RMND1: variants seen among roughly 807,000 people sequenced by gnomAD.
RMND1 encodes required for meiotic nuclear division 1 homolog, also known as required for meiotic nuclear division protein 1 homolog.
RMND1 carries 41 observed loss-of-function variants against 54.0 expected under a neutral mutation model. The ratio of observed to expected loss-of-function variants is 0.76; its 90% CI spans 0.59 to 0.98. The LOEUF (loss-of-function observed/expected upper bound fraction) is 0.98. RMND1 is among the 50% of genes least tolerant of loss of function. The pLI is 0.00. For missense variants in RMND1, 457 were observed against 532.0 expected, an observed-to-expected ratio of 0.86 and a Z score of 1.39; for synonymous variants, 183 against 181.7, an observed-to-expected ratio of 1.01 and a Z score of -0.06.
At chr6:151,433,266 C>T in intron 3 of RMND1, 36 bp from the exon 4 acceptor site, 1 of 1,399,690 alleles carries the variant, frequency 7.1e-7, no homozygotes, top group Non-Finnish European at 1.0e-6. Context: ...AAAGCTATGT[C>T]AAGGTAACAC....
At chr6:151,450,815 A>C (rs1781151566) in intron 1 of RMND1, among the ~76,000 whole-genome samples, 1 of 152,202 alleles carries the variant, frequency 6.6e-6, no homozygotes, top group Admixed American at 6.5e-5. Context: ...GTCTGTGTAG[A>C]AAGAAGTAGA....
At chr6:151,409,319 A>G (rs1286440299) in intron 10 of RMND1, among the ~76,000 whole-genome samples, 1 of 152,214 alleles carries the variant, frequency 6.6e-6, no homozygotes, top group East Asian at 1.9e-4. Flanking sequence ...CATGATACTT[A>G]GAGGGAACTA....
rs1030477639 is a variant in RMND1 at position 151,436,801 on chromosome 6, C to A, written c.505-247G>T. The A allele has an allele frequency of 1.6e-5, 6 of 366,826 alleles. No individual in the cohort carries two copies. The South Asian group carries it at 2.8e-4, about 17-fold the overall frequency. 22.7% of individuals were successfully genotyped at this position (366,826 alleles called of 1,614,324 possible). On this transcript the variant is annotated intron_variant, in intron 2 of 11. Transcript: ENST00000444024. Reference sequence around the variant, plus strand: ...AGGCAAAAAGATGGAATGGATTATTCTGAAAGGGAAGCCACACTCAACTGG... The same window carrying A: ...AGGCAAAAAGATGGAATGGATTATTATGAAAGGGAAGCCACACTCAACTGG...
At chr6:151,412,142 C>T (rs1423477037) in intron 10 of RMND1, among the ~76,000 whole-genome samples, 3 of 152,068 alleles carry the variant, frequency 2.0e-5, no homozygotes, top group African/African-American at 7.2e-5. Context: ...ACTGGGATTA[C>T]AGGCGTCCAC....
intron 1 of RMND1, among the ~76,000 whole-genome samples, chr6:151,450,248 C>A (rs968424710): frequency 2.6e-5 from 4 of 151,576 alleles, no homozygotes; most frequent in Non-Finnish European, 5.9e-5. Flanking sequence ...GTGGGGAGCA[C>A]CTCTGCCCCG....
In RMND1 at chr6:151,433,234, T is replaced by C. The variant is rs1372579508; in HGVS notation, c.614-4A>G. The C allele has an allele frequency of 3.1e-6, 5 of 1,605,382 alleles. No individual in the cohort carries two copies. The East Asian group carries it at 1.1e-4, about 36-fold the overall frequency. On this transcript the variant is annotated splice_polypyrimidine_tract_variant and splice_region_variant and intron_variant, in intron 3 of 11. Transcript: ENST00000444024. ...ATCACCAAAATATTTGCTGCATCTG[T>C]GATTTAAAATAAACGAACAAAAAAG...
intron 3 of RMND1, among the ~76,000 whole-genome samples, chr6:151,436,071 C>T (rs1226460134): frequency 1.3e-5 from 2 of 150,622 alleles, no homozygotes; most frequent in African/African-American, 2.4e-5. Flanking sequence ...CGCCATTGCA[C>T]TCCAGCCTGG....
intron 2 of RMND1, 141 bp from the exon 3 acceptor site, chr6:151,436,695 G>T: frequency 1.4e-6 from 1 of 691,022 alleles, no homozygotes. Context: ...TGATACAAGG[G>T]ATGGGATGAA....
rs1248905072 is a variant in RMND1, at chr6:151,428,116, AAAAT to A, written c.730-538_730-535del. ...TGACAGAGCAAGACCCTATCTCAAAAAAATAAATAAATAAAAAATAAAAAGTAAA... is the reference window on the plus strand; with the variant it reads ...TGACAGAGCAAGACCCTATCTCAAAAAAATAAATAAAAAATAAAAAGTAAA... On this transcript the variant is annotated intron_variant, in intron 5 of 11. Coordinates refer to ENST00000444024, the MANE Select transcript of RMND1 (RefSeq NM_017909.4). Among the ~76,000 whole-genome samples the A allele has an allele frequency of 2.6e-5, 4 of 152,262 alleles. 1 individual carries two copies. The Middle Eastern group carries it at 0.01, about 388-fold the overall frequency.
intron 4 of RMND1, among the ~76,000 whole-genome samples, chr6:151,430,441 A>G (rs1780419580): frequency 6.6e-6 from 1 of 152,220 alleles, no homozygotes. Flanking sequence ...GTAATACTAT[A>G]TAACTTCACG....
chr6:151,443,927 TTC>T (rs1426987495), intron 2 of RMND1, among the ~76,000 whole-genome samples: 6 of 152,248 alleles, frequency 3.9e-5, no homozygotes, highest in Non-Finnish European at 5.9e-5. Flanking sequence ...TTCATAACAT[TTC>T]TCTGTTCATG....
chr6:151,439,939 C>G (rs771660850), intron 2 of RMND1, among the ~76,000 whole-genome samples: 6 of 152,030 alleles, frequency 3.9e-5, no homozygotes, highest in Non-Finnish European at 5.9e-5. Context: ...GGATTACAGG[C>G]ATCAGTGACC....
In RMND1 at chr6:151,444,983, ATTTT is replaced by A. The variant is rs145492817; in HGVS notation, c.504+321_504+324del. On this transcript the variant is annotated intron_variant, in intron 2 of 11. Coordinates refer to ENST00000444024, the MANE Select transcript of RMND1 (RefSeq NM_017909.4). ...AAGAATTTCTAGTTTGTTTTTTTTT[ATTTT>A]ATTTTTTTTTACAGTCCCATTCTTA... 3.5e-3 allele frequency: 727 copies of A among 206,888 alleles called. 4 individuals are homozygous for A. Among genetic ancestry groups the A allele is most frequent in the African/African-American group, 0.015 (660 of 42,642 alleles). 12.8% of individuals were successfully genotyped at this position (206,888 alleles called of 1,614,324 possible). A position where few individuals can be genotyped will look rare whatever the true frequency, so the allele number is the denominator to read the frequency against.
At chr6:151,440,257 C>T (rs1236714568) in intron 2 of RMND1, among the ~76,000 whole-genome samples, 3 of 152,138 alleles carry the variant, frequency 2.0e-5, no homozygotes, top group Non-Finnish European at 4.4e-5. Context: ...CCCAGCCAGG[C>T]ACTATTATTT....
Position 151,444,184 on chromosome 6 carries a change from A to G in RMND1, c.504+1124T>C, listed in dbSNP as rs1334239561. ...GATGCACTGTGCTGCTAGACGTTAC[A>G]AATGAACAAAGTGAGTTGAGCTTTC... On this transcript the variant is annotated intron_variant, in intron 2 of 11. Coordinates refer to ENST00000444024, the MANE Select transcript of RMND1 (RefSeq NM_017909.4). 3.9e-5 allele frequency among the ~76,000 whole-genome samples: 6 copies of G among 152,246 alleles called. No individual in the cohort carries two copies. In the South Asian group the frequency reaches 1.2e-3, roughly 32 times the overall value.
At position 151,410,199 on chromosome 6, in the gene RMND1, C is replaced by T. The variant is rs146566945; in HGVS notation, c.1201-4363G>A. On this transcript the variant is annotated intron_variant, in intron 10 of 11. Coordinates refer to ENST00000444024, the MANE Select transcript of RMND1 (RefSeq NM_017909.4). ...CCTCCCGAGTAGCTGGGACTACAGA[C>T]GCCCGCCACCACGCCCAGCTAATTT... 8.6e-3 allele frequency among the ~76,000 whole-genome samples: 1,301 copies of T among 152,058 alleles called. 9 individuals are homozygous for T. The highest frequency in any genetic ancestry group is 0.014 in the Non-Finnish European group (933 of 67,992).
At chr6:151,414,679 C>T (rs868444330) in intron 10 of RMND1, among the ~76,000 whole-genome samples, 1 of 151,808 alleles carries the variant, frequency 6.6e-6, no homozygotes. Flanking sequence ...GGCAGCAGAA[C>T]GAATGTAACA....
At chr6:151,450,677 G>A (rs1339548913) in intron 1 of RMND1, among the ~76,000 whole-genome samples, 6 of 151,590 alleles carry the variant, frequency 4.0e-5, no homozygotes, top group South Asian at 2.1e-4. Context: ...CCCTCTGCCC[G>A]GCCACCACCC....
chr6:151,416,657 C>T (rs1780016378), intron 10 of RMND1: 1 of 152,238 alleles, frequency 6.6e-6, no homozygotes, highest in African/African-American at 2.4e-5. Flanking sequence ...CTCCCAACCT[C>T]AGGTGATCCA....
Sources: gnomAD v4.1 joint callset for allele counts (sites outside exome capture counted in the v4.1 genomes callset) on GRCh38, gnomAD v4.1.1 for gene constraint, MANE v1.5 for transcripts, NCBI Gene and HGNC (gene_info 2026-07-23, HGNC 2026-07-21) for gene names.